The following RPH3A variants were observed in gnomAD, a reference collection of about 807,000 sequenced individuals.
RPH3A encodes the protein rabphilin 3A, also known as rabphilin-3A.
Under a neutral mutation model 102.2 loss-of-function variants are expected in RPH3A, and 48 were observed. The observed-to-expected ratio is 0.47, with a 90% confidence interval of 0.37 to 0.60. The LOEUF (loss-of-function observed/expected upper bound fraction) is 0.60, where lower values mean the gene tolerates loss of function less well. Ranked by LOEUF, RPH3A falls within the 20% of genes least tolerant of loss-of-function variation. The pLI is 0.00. For synonymous variants in RPH3A, 310 were observed against 324.3 expected (o/e 0.96, Z 0.47); for missense variants, 781 against 910.1 (o/e 0.86, Z 1.83).
At position 112,712,904 on chromosome 12, in the gene RPH3A, C is replaced by CT. The variant is rs2040475211; in HGVS notation, c.-139-79238dup. Among the ~76,000 whole-genome samples the CT allele has an allele frequency of 2.6e-4, 24 of 92,544 alleles. 1 individual carries two copies. Among genetic ancestry groups the CT allele is most frequent in the African/African-American group, 1.2e-3 (21 of 18,112 alleles). 60.7% of individuals were successfully genotyped at this position (92,544 alleles called of 152,430 possible). On this transcript the variant is annotated intron_variant, in intron 1 of 21. Coordinates refer to the RPH3A transcript ENST00000543106. ...TTTCTTCTTCTTCTTCTTCTTCTTCCTCTTCTTCTTCTTCTTCTTCCTCTT... is the reference window on the plus strand; with the variant it reads ...TTTCTTCTTCTTCTTCTTCTTCTTCCTTCTTCTTCTTCTTCTTCTTCCTCTT...
At chr12:112,652,672 A>G (rs1219410418) in intron 1 of RPH3A, among the ~76,000 whole-genome samples, 1 of 151,958 alleles carries the variant, frequency 6.6e-6, no homozygotes, top group Non-Finnish European at 1.5e-5. Flanking sequence ...CCATGCAAAA[A>G]CTCATTCATT....
chr12:112,858,560 T>C (rs2042453073), intron 5 of RPH3A, among the ~76,000 whole-genome samples: 1 of 152,224 alleles, frequency 6.6e-6, no homozygotes, highest in Admixed American at 6.5e-5. Flanking sequence ...TCATAGCTGC[T>C]CATACTTGTC....
At chr12:112,739,211 TA>T (rs2040690588) in intron 1 of RPH3A, among the ~76,000 whole-genome samples, 1 of 152,230 alleles carries the variant, frequency 6.6e-6, no homozygotes, top group African/African-American at 2.4e-5. Flanking sequence ...TTCTGTGAGT[TA>T]AATGAGAAAT....
chr12:112,878,492 T>C (rs2042847276), intron 13 of RPH3A, among the ~76,000 whole-genome samples: 1 of 152,120 alleles, frequency 6.6e-6, no homozygotes, highest in South Asian at 2.1e-4. Context: ...AAAAAAAAGA[T>C]AGACATGCCA....
chr12:112,743,645 G>T (rs757750023), intron 1 of RPH3A, among the ~76,000 whole-genome samples: 8 of 152,190 alleles, frequency 5.3e-5, no homozygotes, highest in Non-Finnish European at 1.2e-4. Context: ...GAGTAGTTGG[G>T]CTGGATGAAG....
At chr12:112,717,912 G>A (rs1422108633) in intron 1 of RPH3A, 2 of 152,074 alleles carry the variant, frequency 1.3e-5, no homozygotes, top group Non-Finnish European at 2.9e-5. Context: ...TTGTGTTGTT[G>A]TTGATAGTCA....
intron 2 of RPH3A, among the ~76,000 whole-genome samples, chr12:112,797,619 C>A (rs566523120): frequency 6.6e-6 from 1 of 152,058 alleles, no homozygotes; most frequent in African/African-American, 2.4e-5. Context: ...GTGGCAAGGC[C>A]TTAATAATCA....
intron 1 of RPH3A, among the ~76,000 whole-genome samples, chr12:112,661,040 T>A (rs749373516): frequency 6.6e-6 from 1 of 152,138 alleles, no homozygotes; most frequent in Non-Finnish European, 1.5e-5. Flanking sequence ...AGAGGCTTAG[T>A]TTCCTTAACT....
chr12:112,816,661 G>A (rs919368647), intron 2 of RPH3A, among the ~76,000 whole-genome samples: 3 of 152,058 alleles, frequency 2.0e-5, no homozygotes, highest in Admixed American at 6.5e-5. Context: ...AGACAACGAC[G>A]GTACTCAACA....
At chr12:112,700,688 T>G (rs2040387775) in intron 1 of RPH3A, among the ~76,000 whole-genome samples, 1 of 152,136 alleles carries the variant, frequency 6.6e-6, no homozygotes, top group East Asian at 1.9e-4. Flanking sequence ...TCACCCCTTT[T>G]CTCTACACTT....
intron 1 of RPH3A, among the ~76,000 whole-genome samples, chr12:112,619,258 G>C (rs2039703449): frequency 6.9e-6 from 1 of 145,246 alleles, no homozygotes; most frequent in African/African-American, 2.7e-5. Context: ...GTGTGTGTGT[G>C]TGTGTGTGTG....
chr12:112,769,892 C>G (rs1011420911), intron 1 of RPH3A, among the ~76,000 whole-genome samples: 1 of 152,060 alleles, frequency 6.6e-6, no homozygotes, highest in Non-Finnish European at 1.5e-5. Flanking sequence ...CCCTGGTGTC[C>G]CTGAAGTATC....
At chr12:112,712,812 T>C (rs2040472046) in intron 1 of RPH3A, among the ~76,000 whole-genome samples, 1 of 152,080 alleles carries the variant, frequency 6.6e-6, no homozygotes, top group South Asian at 2.1e-4. Context: ...CCTGGGCTCA[T>C]GTGATCCTCC....
At chr12:112,585,932 T>C (rs2039436113) in intron 1 of RPH3A, among the ~76,000 whole-genome samples, 1 of 152,108 alleles carries the variant, frequency 6.6e-6, no homozygotes, top group South Asian at 2.1e-4. Context: ...GATTCCTGGA[T>C]CCCCCAGAAA....
intron 1 of RPH3A, among the ~76,000 whole-genome samples, chr12:112,589,706 C>T (rs1016040469): frequency 2.0e-5 from 3 of 152,234 alleles, no homozygotes; most frequent in Non-Finnish European, 4.4e-5. Flanking sequence ...TCCCCTGCCC[C>T]TGCACCATTT....
intron 1 of RPH3A, among the ~76,000 whole-genome samples, chr12:112,742,645 G>C (rs1312846226): frequency 6.6e-6 from 1 of 152,220 alleles, no homozygotes; most frequent in Non-Finnish European, 1.5e-5. Flanking sequence ...TGGGGCTGCT[G>C]TCAGGGCTGG....
rs373330310 is a variant in RPH3A, at chr12:112,779,726, A to G, written c.-139-12417A>G. Among the ~76,000 whole-genome samples, 37 of 152,240 alleles carry G rather than the reference A, an allele frequency of 2.4e-4. No homozygotes were observed. In the South Asian group the frequency reaches 7.1e-3, roughly 29 times the overall value. On this transcript the variant is annotated intron_variant, in intron 1 of 21. Coordinates refer to the RPH3A transcript ENST00000543106. ...CCTCCACTGTATGGAGGGTTGAATA[A>G]TGTCCCCCTAAAATCCATGTCTACC...
intron 1 of RPH3A, among the ~76,000 whole-genome samples, chr12:112,682,261 A>T (rs2040231224): frequency 6.6e-6 from 1 of 152,106 alleles, no homozygotes; most frequent in East Asian, 1.9e-4. Flanking sequence ...TTGAAGACTG[A>T]AGAGCTGAGA....
intron 5 of RPH3A, among the ~76,000 whole-genome samples, chr12:112,860,438 T>G (rs2042487669): frequency 6.6e-6 from 1 of 152,120 alleles, no homozygotes. Context: ...CTGAATAACG[T>G]GTGTTCATGA....
Sources: gnomAD v4.1 joint callset for allele counts (sites outside exome capture counted in the v4.1 genomes callset) on GRCh38, gnomAD v4.1.1 for gene constraint, MANE v1.5 for transcripts, NCBI Gene and HGNC (gene_info 2026-07-23, HGNC 2026-07-21) for gene names.